The following SMAD5 variants were observed in gnomAD, a reference collection of about 807,000 sequenced individuals.
SMAD5 encodes MAD, mothers against decapentaplegic homolog 5.
SMAD5 carries 9 observed loss-of-function variants against 43.1 expected under a neutral mutation model. The observed-to-expected ratio is 0.21, with a 90% CI of 0.13 to 0.36. The LOEUF (loss-of-function observed/expected upper bound fraction) is 0.36. SMAD5 is among the 10% of genes least tolerant of loss of function. The pLI is 1.00. For missense variants in SMAD5, 348 were observed against 574.0 expected, an observed-to-expected ratio of 0.61 and a Z score of 4.02; for synonymous variants, 190 against 192.4, an observed-to-expected ratio of 0.99 and a Z score of 0.10.
intron 4 of SMAD5, among the ~76,000 whole-genome samples, chr5:136,162,030 T>C (rs890141636): frequency 2.0e-5 from 3 of 152,210 alleles, no homozygotes; most frequent in African/African-American, 7.2e-5. Context: ...GAAAGATCAA[T>C]AAAAACAAGA....
At chr5:136,149,405 A>G (rs1167758255) in intron 2 of SMAD5, among the ~76,000 whole-genome samples, 29 of 151,836 alleles carry the variant, frequency 1.9e-4, no homozygotes, top group African/African-American at 2.4e-5. Flanking sequence ...AACAATTTTC[A>G]AAAGTGACTG....
chr5:136,145,474 G>A (rs573495635), intron 1 of SMAD5, among the ~76,000 whole-genome samples: 1 of 151,992 alleles, frequency 6.6e-6, no homozygotes, highest in South Asian at 2.1e-4. Flanking sequence ...ATGGCAGAAG[G>A]ATGATACTGT....
At chr5:136,139,218 G>T (rs1386168235) in intron 1 of SMAD5, among the ~76,000 whole-genome samples, 2 of 151,780 alleles carry the variant, frequency 1.3e-5, no homozygotes, top group African/African-American at 4.8e-5. Context: ...AAGTCAGTTT[G>T]TGTGTGTGTT....
intron 2 of SMAD5, among the ~76,000 whole-genome samples, chr5:136,153,032 T>C (rs1753519218): frequency 6.6e-6 from 1 of 152,220 alleles, no homozygotes; most frequent in Non-Finnish European, 1.5e-5. Flanking sequence ...TATAATGATT[T>C]ATTTGAGGGT....
intron 5 of SMAD5, among the ~76,000 whole-genome samples, chr5:136,169,930 C>G (rs1754156053): frequency 6.6e-6 from 1 of 152,138 alleles, no homozygotes; most frequent in South Asian, 2.1e-4. Flanking sequence ...GGTGGGCTCC[C>G]TACTCATATC....
rs60311104 is a variant in SMAD5 at position 136,176,457 on chromosome 5, C to CAAAAAAAA, written c.1255-861_1255-854dup. On this transcript the variant is annotated intron_variant, in intron 7 of 7. Coordinates refer to ENST00000545279, the MANE Select transcript of SMAD5 (RefSeq NM_005903.7). ...GCAACAAGAGAGAAACTCTGTCTCA[C>CAAAAAAAA]AAAAAAAAAAAAAAAAAAAAAAAAA... is the stretch of plus-strand genomic sequence containing the variant. Among the ~76,000 whole-genome samples, 399 of 68,500 alleles carry CAAAAAAAA rather than the reference C, an allele frequency of 5.8e-3. 17 individuals carry two copies. Among genetic ancestry groups the CAAAAAAAA allele is most frequent in the African/African-American group, 0.019 (382 of 20,614 alleles). 44.9% of individuals were successfully genotyped at this position (68,500 alleles called of 152,430 possible). A position where few individuals can be genotyped will look rare whatever the true frequency, so the allele number is the denominator to read the frequency against.
At chr5:136,177,213 T>C (rs1464558250) in intron 7 of SMAD5, 124 bp from the exon 8 acceptor site, 3 of 753,392 alleles carry the variant, frequency 4.0e-6, no homozygotes, top group African/African-American at 3.5e-5. Context: ...GTGATAGTTA[T>C]TCTCTTTATG....
intron 1 of SMAD5, among the ~76,000 whole-genome samples, chr5:136,139,734 C>T (rs1411796681): frequency 6.6e-6 from 1 of 152,188 alleles, no homozygotes; most frequent in Non-Finnish European, 1.5e-5. Flanking sequence ...CTTGTGCTGT[C>T]ACCCAGGCTG....
At chr5:136,140,654 C>T (rs1279343297) in intron 1 of SMAD5, among the ~76,000 whole-genome samples, 1 of 152,032 alleles carries the variant, frequency 6.6e-6, no homozygotes, top group Non-Finnish European at 1.5e-5. Flanking sequence ...TGGTGAGACC[C>T]AGCCCAGCCA....
At chr5:136,159,412 C>T (rs1309727354) in intron 3 of SMAD5, among the ~76,000 whole-genome samples, 2 of 152,016 alleles carry the variant, frequency 1.3e-5, no homozygotes, top group African/African-American at 4.8e-5. Context: ...TTGTTATAAT[C>T]TCTAATAGCA....
intron 3 of SMAD5, among the ~76,000 whole-genome samples, chr5:136,160,355 C>CTT (rs1753784132): frequency 1.3e-5 from 2 of 152,098 alleles, no homozygotes; most frequent in Non-Finnish European, 2.9e-5. Flanking sequence ...ACTCTGTAGT[C>CTT]TTAACTCCTT....
chr5:136,140,658 C>T (rs544036732), intron 1 of SMAD5, among the ~76,000 whole-genome samples: 1 of 152,090 alleles, frequency 6.6e-6, no homozygotes, highest in East Asian at 1.9e-4. Flanking sequence ...GAGACCCAGC[C>T]CAGCCACCCT....
In SMAD5 at chr5:136,174,451, G is replaced by A; in HGVS notation, c.1073G>A (p.Arg358Lys). 1 of 1,613,896 alleles carries A rather than the reference G, an allele frequency of 6.2e-7. No homozygotes were observed. Among genetic ancestry groups the A allele is most frequent in the Non-Finnish European group, 8.5e-7 (1 of 1,179,768 alleles). ...LSDSSIFVQS[R>K]NCNFHHGFHP... ...GACAGCAGCATATTTGTACAGAGTA[G>A]GAACTGCAACTTTCATCATGGCTTT... is the stretch of plus-strand genomic sequence containing the variant. The change falls in exon 7 of 8, where the codon AGG (arginine) becomes AAG (lysine). Residue 358 changes from arginine (R) to lysine (K), a missense_variant. Coordinates refer to ENST00000545279, the MANE Select transcript of SMAD5 (RefSeq NM_005903.7).
At chr5:136,163,237 A>G (rs1753881961) in intron 4 of SMAD5, 35 bp from the exon 5 acceptor site, 2 of 1,567,818 alleles carry the variant, frequency 1.3e-6, no homozygotes, top group Non-Finnish European at 1.7e-6. Flanking sequence ...TTTGAGCAGA[A>G]TGAAGATTTT....
chr5:136,159,513 A>G (rs1235266173), intron 3 of SMAD5, among the ~76,000 whole-genome samples: 1 of 152,176 alleles, frequency 6.6e-6, no homozygotes, highest in African/African-American at 2.4e-5. Context: ...GTACAAGTGA[A>G]AGAGAAGCCA....
intron 4 of SMAD5, among the ~76,000 whole-genome samples, chr5:136,162,573 A>G (rs1424990107): frequency 1.3e-5 from 2 of 152,228 alleles, no homozygotes; most frequent in Non-Finnish European, 2.9e-5. Context: ...CTGTCTCAAA[A>G]TACATCCTGT....
At chr5:136,166,907 AG>A (rs1188203961) in intron 5 of SMAD5, among the ~76,000 whole-genome samples, 3 of 152,174 alleles carry the variant, frequency 2.0e-5, no homozygotes, top group Non-Finnish European at 2.9e-5. Context: ...CAAACAACTG[AG>A]CCCCTTTAGA....
At position 136,149,253 on chromosome 5, in the gene SMAD5, G is replaced by A. The variant is rs569846297; in HGVS notation, c.-170+1347G>A. ...ACTGCTGATGAATATTTGGGTTCCA[G>A]TTTGGGACTATTATAAATAAAGTTG... On this transcript the variant is annotated intron_variant, in intron 2 of 7. Coordinates refer to ENST00000545279, the MANE Select transcript of SMAD5 (RefSeq NM_005903.7). 6.6e-5 allele frequency among the ~76,000 whole-genome samples: 10 copies of A among 151,960 alleles called. No individual in the cohort carries two copies. The East Asian group carries it at 1.9e-3, about 29-fold the overall frequency.
rs558335523 is a variant in SMAD5 at position 136,164,043 on chromosome 5, A to ATT, written c.775+653_775+654dup. Among the ~76,000 whole-genome samples, 20 of 152,266 alleles carry ATT rather than the reference A, an allele frequency of 1.3e-4. No homozygotes were observed. In the South Asian group the frequency reaches 4.2e-3, roughly 32 times the overall value. ...ACTAAAAATACAATAAAAATAAAAA[A>ATT]TTACCTGGGTGTGGTGGCAGATGCC... On this transcript the variant is annotated intron_variant, in intron 5 of 7. Transcript: ENST00000545279.
Sources: allele counts gnomAD v4.1 joint callset (sites outside exome capture counted in the v4.1 genomes callset), GRCh38; gene constraint gnomAD v4.1.1; transcripts MANE v1.5; gene names NCBI Gene and HGNC (gene_info 2026-07-23, HGNC 2026-07-21).